COL11A1: variants seen among roughly 807,000 people sequenced by gnomAD.
COL11A1 encodes the protein collagen type XI alpha 1 chain, also known as collagen alpha-1(XI) chain.
Under a neutral mutation model 265.2 loss-of-function variants are expected in COL11A1, and 74 were observed. The ratio of observed to expected loss-of-function variants is 0.28; its 90% CI spans 0.23 to 0.34. COL11A1 has a LOEUF of 0.34. Ranked by LOEUF, COL11A1 falls within the 10% of genes least tolerant of loss-of-function variation. COL11A1 has a pLI of 1.00. For synonymous variants in COL11A1, 816 were observed against 727.6 expected (o/e 1.12, Z -1.96); for missense variants, 2,165 against 2,263.6 (o/e 0.96, Z 0.88).
chr1:102,889,596 T>C, intron 58 of COL11A1, 34 bp from the exon 59 acceptor site: 2 of 1,409,810 alleles, frequency 1.4e-6, no homozygotes, highest in Non-Finnish European at 2.0e-6. Context: ...TAATAACATG[T>C]ACATTACTAT....
At chr1:102,885,025 A>G (rs2100829744) in intron 63 of COL11A1, among the ~76,000 whole-genome samples, 1 of 152,242 alleles carries the variant, frequency 6.6e-6, no homozygotes, top group South Asian at 2.1e-4. Flanking sequence ...ACTACAACAC[A>G]GGCCAGGGAG....
intron 42 of COL11A1, among the ~76,000 whole-genome samples, chr1:102,946,585 A>G (rs896814802): frequency 1.9e-4 from 29 of 152,012 alleles, no homozygotes; most frequent in Admixed American, 5.9e-4. Flanking sequence ...TTTTTTTTAA[A>G]AAAAGCAAAA....
intron 4 of COL11A1, among the ~76,000 whole-genome samples, chr1:103,070,039 A>T (rs922494043): frequency 1.3e-4 from 19 of 151,630 alleles, no homozygotes; most frequent in African/African-American, 3.4e-4. Context: ...CCTACCAAAT[A>T]ACCCATGCAT....
chr1:103,101,076 A>C (rs1015560022), intron 1 of COL11A1, among the ~76,000 whole-genome samples: 6 of 151,920 alleles, frequency 3.9e-5, no homozygotes, highest in African/African-American at 1.4e-4. Context: ...GTGTTTGCTG[A>C]TGGAAGAGAA....
At chr1:103,001,832 C>T in intron 24 of COL11A1, 93 bp downstream of exon 24, 1 of 1,127,830 alleles carries the variant, frequency 8.9e-7, no homozygotes, top group Non-Finnish European at 1.4e-6. Context: ...ATCTAGATAT[C>T]TTAACAAAAA....
chr1:102,979,355 A>G, intron 32 of COL11A1, 27 bp downstream of exon 32: 1 of 1,567,174 alleles, frequency 6.4e-7, no homozygotes, highest in Non-Finnish European at 8.8e-7. Context: ...TTATATACAT[A>G]GTTCAAAACA....
At position 103,082,821 on chromosome 1, in the gene COL11A1, T is replaced by C. The variant is rs769280911; in HGVS notation, c.258A>G (p.Thr86=). The C allele has an allele frequency of 8.1e-6, 13 of 1,613,146 alleles. No individual in the cohort carries two copies. In the East Asian group the frequency reaches 2.9e-4, roughly 36 times the overall value. The stretch of plus-strand genomic sequence containing the variant: ...TGAATATACCTGGAAATAACTGTTT[T>C]GTTGGGGCACTGAGTTGTGCTTGCT... ...VSKQAQLSAP[T]KQLFPGGTFP... is the part of the protein sequence containing the mutation. The change falls in exon 2 of 67, where the codon ACA becomes ACG. Residue 86 remains threonine (T), a synonymous_variant. Coordinates refer to ENST00000370096, the MANE Select transcript of COL11A1 (RefSeq NM_001854.4).
chr1:103,066,245 T>A (rs1426835763), intron 4 of COL11A1, among the ~76,000 whole-genome samples: 2 of 151,922 alleles, frequency 1.3e-5, no homozygotes, highest in African/African-American at 4.8e-5. Context: ...GATATAAAAT[T>A]ATATTTTTAT....
intron 37 of COL11A1, among the ~76,000 whole-genome samples, chr1:102,966,898 T>C (rs1384769384): frequency 6.6e-6 from 1 of 152,196 alleles, no homozygotes; most frequent in East Asian, 1.9e-4. Flanking sequence ...TCCAGTTGTA[T>C]ATCATGCTCT....
At chr1:102,991,342 A>G (rs1350095149) in intron 28 of COL11A1, among the ~76,000 whole-genome samples, 1 of 152,142 alleles carries the variant, frequency 6.6e-6, no homozygotes, top group Non-Finnish European at 1.5e-5. Context: ...TGCCAAAATG[A>G]TCTCTTTAAA....
At position 103,108,511 on chromosome 1, in the gene COL11A1, C is replaced by T; in HGVS notation, c.-333G>A. ...GAGTACTGTGTGCCCCTAAAGGCTTCATGCCGTCAGTGGGCTGGACGAGTG... is the reference window on the plus strand; with the variant it reads ...GAGTACTGTGTGCCCCTAAAGGCTTTATGCCGTCAGTGGGCTGGACGAGTG... On this transcript the variant is annotated 5_prime_UTR_variant, in exon 1 of 67. The change abolishes an upstream ATG in the 5' untranslated region. Coordinates refer to ENST00000370096, the MANE Select transcript of COL11A1 (RefSeq NM_001854.4). 1.8e-6 allele frequency: 1 copy of T among 562,402 alleles called. No homozygotes were observed. The highest frequency in any genetic ancestry group is 2.5e-5 in the South Asian group (1 of 40,294). The allele number at this position is 562,402 out of a possible 1,614,324, so 34.8% of individuals were successfully genotyped here.
intron 54 of COL11A1, among the ~76,000 whole-genome samples, chr1:102,903,810 C>A (rs1366621945): frequency 6.6e-6 from 1 of 152,156 alleles, no homozygotes; most frequent in African/African-American, 2.4e-5. Context: ...GTGGTATAGA[C>A]AAAGTGACCT....
intron 57 of COL11A1, among the ~76,000 whole-genome samples, chr1:102,897,327 C>T (rs1039725687): frequency 6.6e-6 from 1 of 151,766 alleles, no homozygotes; most frequent in African/African-American, 2.4e-5. Context: ...CAGGACTTAA[C>T]TAATACTCAC....
At chr1:103,049,247 G>T (rs1353680473) in intron 4 of COL11A1, among the ~76,000 whole-genome samples, 6 of 152,110 alleles carry the variant, frequency 3.9e-5, no homozygotes, top group Non-Finnish European at 7.4e-5. Context: ...TCTCTTTGTA[G>T]GTCACTAAGG....
intron 41 of COL11A1, among the ~76,000 whole-genome samples, chr1:102,949,770 A>T (rs1659695497): frequency 6.6e-6 from 1 of 152,136 alleles, no homozygotes; most frequent in Non-Finnish European, 1.5e-5. Flanking sequence ...TCCTTGACTC[A>T]TTGTACCCAT....
intron 63 of COL11A1, chr1:102,884,468 A>G (rs976371391): frequency 6.6e-6 from 1 of 152,152 alleles, no homozygotes; most frequent in African/African-American, 2.4e-5. Context: ...CCTCATAGAA[A>G]ACACCTGAAA....
At chr1:103,066,128 T>C (rs1212807817) in intron 4 of COL11A1, among the ~76,000 whole-genome samples, 1 of 152,140 alleles carries the variant, frequency 6.6e-6, no homozygotes, top group African/African-American at 2.4e-5. Context: ...ATATCTGTTG[T>C]ATAAGAAATG....
rs1266607435 is a variant in COL11A1, at chr1:102,887,031, G to A, written c.4634C>T (p.Pro1545Leu). ...SPGPPGEVIQ[P>L]LPILSSKKTR... ...TTTTTTGGAGGACAAGATTGGTAAA[G>A]GCTGAATGACTTCACCAGGTGGACC... The change falls in exon 63 of 67, where the codon CCT becomes CTT. Residue 1545 changes from proline to leucine, a missense_variant. Pro to Leu is a moderately conservative substitution (Grantham distance 98). Transcript: ENST00000370096. The A allele has an allele frequency of 6.2e-7, 1 of 1,613,816 alleles. No homozygotes were observed. The highest frequency in any genetic ancestry group is 8.5e-7 in the Non-Finnish European group (1 of 1,179,838).
At chr1:102,988,540 A>G (rs1453348092) in intron 29 of COL11A1, among the ~76,000 whole-genome samples, 2 of 152,168 alleles carry the variant, frequency 1.3e-5, no homozygotes, top group Non-Finnish European at 2.9e-5. Context: ...CATAAATTAC[A>G]GTCTGTTGAA....
Sources: gnomAD v4.1 joint callset for allele counts (sites outside exome capture counted in the v4.1 genomes callset) on GRCh38, gnomAD v4.1.1 for gene constraint, MANE v1.5 for transcripts, NCBI Gene and HGNC (gene_info 2026-07-23, HGNC 2026-07-21) for gene names.